NEK7: variants seen among roughly 807,000 people sequenced by gnomAD.
NEK7 encodes NIMA related kinase 7, also known as serine/threonine-protein kinase Nek7.
NEK7 carries 18 observed loss-of-function variants against 44.6 expected under a neutral mutation model. The observed-to-expected ratio is 0.40, with a 90% CI of 0.28 to 0.60. The LOEUF is 0.60. Among genes scored for constraint, NEK7 ranks in the 20% least tolerant of loss-of-function variants. The pLI is 0.38. For synonymous variants in NEK7, 130 were observed against 121.1 expected (o/e 1.07, Z -0.48); for missense variants, 256 against 366.5 (o/e 0.70, Z 2.46).
chr1:198,287,908 A>G (rs1654425905), intron 7 of NEK7, among the ~76,000 whole-genome samples: 1 of 152,212 alleles, frequency 6.6e-6, no homozygotes, highest in Non-Finnish European at 1.5e-5. Context: ...CCAGCAGAGT[A>G]AATGCATGGC....
intron 9 of NEK7, among the ~76,000 whole-genome samples, chr1:198,314,983 T>C (rs1281989892): frequency 6.6e-6 from 1 of 152,222 alleles, no homozygotes; most frequent in East Asian, 1.9e-4. Flanking sequence ...TCCCGGCTGC[T>C]TTGTTTACCT....
chr1:198,209,037 GTATATA>G (rs57962708), intron 1 of NEK7, among the ~76,000 whole-genome samples: 49,961 of 145,318 alleles, frequency 0.34, 9,610 homozygotes, highest in East Asian at 0.78. Flanking sequence ...ATGTGTGTGT[GTATATA>G]TATATATATA....
At chr1:198,262,213 C>A (rs1050621357) in intron 3 of NEK7, among the ~76,000 whole-genome samples, 2 of 151,930 alleles carry the variant, frequency 1.3e-5, no homozygotes, top group African/African-American at 4.8e-5. Flanking sequence ...GGGAATACTA[C>A]TATTATCATC....
intron 1 of NEK7, among the ~76,000 whole-genome samples, chr1:198,157,547 A>C (rs543418790): frequency 6.6e-6 from 1 of 152,340 alleles, no homozygotes; most frequent in East Asian, 1.9e-4. Context: ...CGCCGCGGTA[A>C]CTAAGAAACT....
chr1:198,231,291 ATGTG>A (rs33916230), intron 1 of NEK7, among the ~76,000 whole-genome samples: 16,836 of 109,500 alleles, frequency 0.15, 1,953 homozygotes, highest in East Asian at 0.62. Flanking sequence ...ATATACGTGT[ATGTG>A]TGTGTGTATA....
intron 1 of NEK7, among the ~76,000 whole-genome samples, chr1:198,186,509 A>G (rs1278141434): frequency 2.0e-5 from 3 of 152,196 alleles, no homozygotes; most frequent in African/African-American, 7.2e-5. Context: ...TGCCTACATA[A>G]CTAGCTACAG....
chr1:198,286,385 C>T (rs1320266382), intron 7 of NEK7, among the ~76,000 whole-genome samples: 1 of 151,734 alleles, frequency 6.6e-6, no homozygotes, highest in Non-Finnish European at 1.5e-5. Context: ...AAAAGAACAC[C>T]ATCCCAAAAT....
intron 5 of NEK7, among the ~76,000 whole-genome samples, chr1:198,274,383 GTAACAGAGCTT>G (rs1653951453): frequency 3.3e-5 from 5 of 151,580 alleles, no homozygotes; most frequent in Admixed American, 3.3e-4. Flanking sequence ...TAAGATGGCA[GTAACAGAGCTT>G]TAAACCCCAA....
intron 2 of NEK7, among the ~76,000 whole-genome samples, chr1:198,241,440 G>A (rs3861922): frequency 0.45 from 68,557 of 152,052 alleles, 20,195 homozygotes; most frequent in Non-Finnish European, 0.66. Flanking sequence ...AGTTATGATA[G>A]GTGTCCCTTA....
At chr1:198,249,352 T>G (rs1481638637) in intron 2 of NEK7, among the ~76,000 whole-genome samples, 3 of 152,008 alleles carry the variant, frequency 2.0e-5, no homozygotes. Flanking sequence ...AATAAACATA[T>G]GTGTGCATGT....
intron 8 of NEK7, among the ~76,000 whole-genome samples, chr1:198,296,036 C>A (rs1400681845): frequency 6.6e-6 from 1 of 152,060 alleles, no homozygotes; most frequent in Non-Finnish European, 1.5e-5. Flanking sequence ...CAATCCCATC[C>A]CCTTCTCATC....
chr1:198,315,788 GA>G (rs1358205138), intron 9 of NEK7, among the ~76,000 whole-genome samples: 1 of 151,930 alleles, frequency 6.6e-6, no homozygotes, highest in Non-Finnish European at 1.5e-5. Flanking sequence ...TGGTTGGGGA[GA>G]AAAAAATACT....
chr1:198,216,826 A>G (rs1467439413), intron 1 of NEK7, among the ~76,000 whole-genome samples: 2 of 152,048 alleles, frequency 1.3e-5, no homozygotes, highest in Non-Finnish European at 2.9e-5. Flanking sequence ...TGCACAAACT[A>G]GAAAACATAG....
intron 1 of NEK7, among the ~76,000 whole-genome samples, chr1:198,230,250 A>G (rs1354819920): frequency 6.6e-6 from 1 of 152,150 alleles, no homozygotes; most frequent in East Asian, 1.9e-4. Flanking sequence ...TTCATGCTAA[A>G]AGGTATTTGG....
At chr1:198,226,080 A>G (rs1034232489) in intron 1 of NEK7, among the ~76,000 whole-genome samples, 7 of 152,220 alleles carry the variant, frequency 4.6e-5, no homozygotes, top group African/African-American at 1.7e-4. Context: ...TGGAACTTAC[A>G]ATCTGGAACA....
chr1:198,179,817 GTA>G (rs370475722), intron 1 of NEK7, among the ~76,000 whole-genome samples: 16,066 of 151,580 alleles, frequency 0.11, 1,064 homozygotes, highest in East Asian at 0.22. Context: ...GTGTGTGTAT[GTA>G]TGTGTGTGTG....
chr1:198,262,668 A>C, intron 4 of NEK7, 31 bp downstream of exon 4: 1 of 1,322,020 alleles, frequency 7.6e-7, no homozygotes, highest in East Asian at 2.3e-5. Context: ...TCTTTTGAAC[A>C]TAACATGGTG....
intron 2 of NEK7, among the ~76,000 whole-genome samples, chr1:198,242,249 C>T (rs1571564261): frequency 6.6e-6 from 1 of 152,224 alleles, no homozygotes; most frequent in South Asian, 2.1e-4. Flanking sequence ...CTTCCCAGTT[C>T]TCCATGCAGC....
intron 5 of NEK7, among the ~76,000 whole-genome samples, chr1:198,273,775 C>G (rs16842653): frequency 0.023 from 3,490 of 151,686 alleles, 137 homozygotes; most frequent in African/African-American, 0.08. Context: ...ATAAGGCATA[C>G]CAAGAAACTA....
Sources: gnomAD v4.1 joint callset for allele counts (sites outside exome capture counted in the v4.1 genomes callset) on GRCh38, gnomAD v4.1.1 for gene constraint, MANE v1.5 for transcripts, NCBI Gene and HGNC (gene_info 2026-07-23, HGNC 2026-07-21) for gene names.